Variants in PACSIN2 observed in about 807,000 individuals in gnomAD.
The protein encoded by PACSIN2 is protein kinase C and casein kinase substrate in neurons 2, also known as protein kinase C and casein kinase substrate in neurons protein 2.
A neutral mutation model predicts 63.8 loss-of-function variants in PACSIN2; 25 were observed. The ratio of observed to expected loss-of-function variants is 0.39; its 90% CI spans 0.29 to 0.55. The LOEUF (loss-of-function observed/expected upper bound fraction) is 0.55. Ranked by LOEUF, PACSIN2 falls within the 20% of genes least tolerant of loss-of-function variation. PACSIN2 has a pLI of 0.62. For missense variants in PACSIN2, 518 were observed against 646.9 expected (o/e 0.80, Z 2.16); for synonymous variants, 255 against 256.2 (o/e 1.00, Z 0.05).
At chr22:42,973,016 GA>G (rs1921437648) in intron 1 of PACSIN2, among the ~76,000 whole-genome samples, 2 of 152,232 alleles carry the variant, frequency 1.3e-5, no homozygotes, top group Non-Finnish European at 2.9e-5. Context: ...GATTTATCAT[GA>G]CTTTTATGGC....
intron 1 of PACSIN2, among the ~76,000 whole-genome samples, chr22:43,005,994 T>C (rs780605275): frequency 1.3e-5 from 2 of 152,184 alleles, no homozygotes; most frequent in African/African-American, 2.4e-5. Context: ...GGTCTCACTA[T>C]GTTACCCAGG....
At chr22:42,897,319 A>G (rs949564170) in intron 2 of PACSIN2, among the ~76,000 whole-genome samples, 3 of 152,230 alleles carry the variant, frequency 2.0e-5, no homozygotes, top group South Asian at 2.1e-4. Flanking sequence ...TAATTTTCAA[A>G]TATTTGACAA....
In PACSIN2 at chr22:42,876,891, T is replaced by C. The variant is rs768769642; in HGVS notation, c.1148A>G (p.Lys383Arg). ...GAGGAAGCATTTGTTCACCAACTTT[T>C]TGGCCTTAGTGTCGTCCTTCTCACT... ...TVSEKDDTKAKNVSSYEKTQS... is the reference protein window; with the variant it reads ...TVSEKDDTKARNVSSYEKTQS... Residue 383 changes from lysine to arginine, a missense_variant, in exon 9 of 11, where the codon AAA (lysine) becomes AGA (arginine). By Grantham distance (26) the Lys-to-Arg change is conservative. Transcript: ENST00000263246. 11 of 1,614,066 alleles carry C rather than the reference T, an allele frequency of 6.8e-6. No homozygotes were observed. In the Admixed American group the frequency reaches 1.8e-4, roughly 27 times the overall value.
At chr22:42,926,310 G>A (rs1932530455) in intron 1 of PACSIN2, among the ~76,000 whole-genome samples, 1 of 152,120 alleles carries the variant, frequency 6.6e-6, no homozygotes, top group Non-Finnish European at 1.5e-5. Context: ...CAGGTCCTAG[G>A]CCCTCCAGAA....
chr22:43,002,563 G>C (rs925980802), intron 1 of PACSIN2: 2 of 152,010 alleles, frequency 1.3e-5, no homozygotes, highest in Non-Finnish European at 2.9e-5. Context: ...GCCAAGGCAG[G>C]CACTTTAAAG....
At chr22:42,909,829 A>G (rs900425179) in intron 2 of PACSIN2, among the ~76,000 whole-genome samples, 1 of 152,232 alleles carries the variant, frequency 6.6e-6, no homozygotes, top group Non-Finnish European at 1.5e-5. Flanking sequence ...TAATTTTCCC[A>G]GCAGTTTCTG....
chr22:42,897,936 A>T (rs376532015), intron 2 of PACSIN2, among the ~76,000 whole-genome samples: 10 of 152,220 alleles, frequency 6.6e-5, no homozygotes, highest in African/African-American at 2.4e-4. Flanking sequence ...AACACAGAAC[A>T]CAGGGAGCAA....
chr22:42,919,818 AAAAG>A (rs987688171), intron 1 of PACSIN2, among the ~76,000 whole-genome samples: 3 of 150,184 alleles, frequency 2.0e-5, no homozygotes, highest in African/African-American at 7.3e-5. Context: ...AAGAAAAAGA[AAAAG>A]AAACTGAGCT....
chr22:43,012,041 A>T (rs1444438085), intron 1 of PACSIN2, among the ~76,000 whole-genome samples: 3 of 152,182 alleles, frequency 2.0e-5, no homozygotes, highest in African/African-American at 7.2e-5. Flanking sequence ...GTTACTCAGG[A>T]GGCTGAGGCA....
At chr22:42,972,785 C>G (rs1328080961) in intron 1 of PACSIN2, among the ~76,000 whole-genome samples, 1 of 152,110 alleles carries the variant, frequency 6.6e-6, no homozygotes, top group Admixed American at 6.5e-5. Flanking sequence ...TGGACTTCAA[C>G]TCCTGGGCTG....
At chr22:42,916,839 C>A (rs1931842933) in intron 1 of PACSIN2, among the ~76,000 whole-genome samples, 1 of 152,138 alleles carries the variant, frequency 6.6e-6, no homozygotes, top group African/African-American at 2.4e-5. Flanking sequence ...CATCTGACAC[C>A]CTAAAAGTGA....
At chr22:42,894,359 GCCT>G (rs770111453) in intron 2 of PACSIN2, among the ~76,000 whole-genome samples, 3 of 152,066 alleles carry the variant, frequency 2.0e-5, no homozygotes, top group Non-Finnish European at 4.4e-5. Flanking sequence ...TTCTGCCTCA[GCCT>G]CCTCAGTAGC....
intron 1 of PACSIN2, among the ~76,000 whole-genome samples, chr22:42,922,008 G>C (rs1274117300): frequency 6.6e-6 from 1 of 152,188 alleles, no homozygotes; most frequent in South Asian, 2.1e-4. Context: ...CAAAGTGCTG[G>C]GATTACAGGT....
chr22:42,889,373 T>TAC (rs58408551), intron 4 of PACSIN2, among the ~76,000 whole-genome samples: 11 of 122,548 alleles, frequency 9.0e-5, no homozygotes, highest in East Asian at 4.5e-4. Flanking sequence ...TAATGGTTTT[T>TAC]ACACACACAC....
chr22:42,882,163 A>G (rs1929125122), intron 7 of PACSIN2, 21 bp downstream of exon 7: 1 of 1,613,306 alleles, frequency 6.2e-7, no homozygotes, highest in African/African-American at 1.3e-5. Context: ...TGATGAGCTC[A>G]TGGGCACACC....
At chr22:42,907,513 C>T (rs975480136) in intron 2 of PACSIN2, among the ~76,000 whole-genome samples, 15 of 152,258 alleles carry the variant, frequency 9.9e-5, no homozygotes, top group African/African-American at 3.6e-4. Flanking sequence ...AGCTGATGCG[C>T]ACCCTGTCCC....
chr22:42,903,453 G>A (rs905999414), intron 2 of PACSIN2, among the ~76,000 whole-genome samples: 5 of 151,864 alleles, frequency 3.3e-5, no homozygotes, highest in African/African-American at 1.2e-4. Flanking sequence ...GAGTAACAGG[G>A]GTCCTTGAAA....
At chr22:42,980,535 G>C (rs900850502) in intron 1 of PACSIN2, among the ~76,000 whole-genome samples, 16 of 120,606 alleles carry the variant, frequency 1.3e-4, no homozygotes, top group Admixed American at 2.8e-4. Context: ...CTCTGATGCC[G>C]AGCCAAAGCT....
At chr22:43,002,613 A>G (rs1372240954) in intron 1 of PACSIN2, among the ~76,000 whole-genome samples, 1 of 152,124 alleles carries the variant, frequency 6.6e-6, no homozygotes, top group African/African-American at 2.4e-5. Context: ...AATCAGAAAA[A>G]TACACTTACA....
Sources: allele counts gnomAD v4.1 joint callset (sites outside exome capture counted in the v4.1 genomes callset), GRCh38; gene constraint gnomAD v4.1.1; transcripts MANE v1.5; gene names NCBI Gene and HGNC (gene_info 2026-07-23, HGNC 2026-07-21).